The following PCNX1 variants were observed in gnomAD, a reference collection of about 807,000 sequenced individuals.
PCNX1 encodes pecanex-like protein 1.
Under a neutral mutation model 242.2 loss-of-function variants are expected in PCNX1, and 78 were observed. The observed-to-expected ratio is 0.32, with a 90% CI of 0.27 to 0.39. PCNX1 has a LOEUF of 0.39. Among genes scored for constraint, PCNX1 ranks in the 10% least tolerant of loss-of-function variants. The pLI, the probability that PCNX1 is intolerant of heterozygous loss-of-function variation, is 1.00. For synonymous variants in PCNX1, 1,024 were observed against 1,032.9 expected (o/e 0.99, Z 0.17); for missense variants, 2,581 against 2,856.5 (o/e 0.90, Z 2.20).
intron 1 of PCNX1, among the ~76,000 whole-genome samples, chr14:70,910,373 C>A (rs983705641): frequency 6.6e-6 from 1 of 151,442 alleles, no homozygotes; most frequent in South Asian, 2.1e-4. Context: ...CTCTGTGATT[C>A]TTTCAGATCA....
At chr14:71,053,983 C>G (rs2061112541) in intron 24 of PCNX1, among the ~76,000 whole-genome samples, 1 of 152,102 alleles carries the variant, frequency 6.6e-6, no homozygotes, top group Admixed American at 6.5e-5. Flanking sequence ...CTTCACTCAC[C>G]ATGTTGGCCA....
rs7146777 is a variant in PCNX1 at position 71,111,181 on chromosome 14, C to G, written c.*1246C>G. 0.16 allele frequency: 23,921 copies of G among 152,242 alleles called. 2,429 individuals are homozygous for G. The highest frequency in any genetic ancestry group is 0.28 in the African/African-American group (11,667 of 41,366). 9.4% of individuals were successfully genotyped at this position (152,242 alleles called of 1,614,324 possible). A position where few individuals can be genotyped will look rare whatever the true frequency, so the allele number is the denominator to read the frequency against. On this transcript the variant is annotated 3_prime_UTR_variant, in exon 36 of 36. Transcript: ENST00000304743. ...ACTTAATTCATATGTTGTCTCATAACTTTATTTTTTTTAAATGCATATTCA... is the reference window on the plus strand; with the variant it reads ...ACTTAATTCATATGTTGTCTCATAAGTTTATTTTTTTTAAATGCATATTCA...
chr14:71,013,686 C>T (rs529263510), intron 11 of PCNX1, among the ~76,000 whole-genome samples: 2 of 152,106 alleles, frequency 1.3e-5, no homozygotes, highest in African/African-American at 2.4e-5. Flanking sequence ...AGACAAAGTA[C>T]GTGAAACAGT....
At chr14:71,045,359 T>C in intron 20 of PCNX1, 76 bp downstream of exon 20, 1 of 1,000,014 alleles carries the variant, frequency 1.0e-6, no homozygotes, top group Non-Finnish European at 1.5e-6. Flanking sequence ...ATGACTGAGT[T>C]AAGTGAATAT....
intron 19 of PCNX1, chr14:71,044,383 T>G (rs2060799196): frequency 6.6e-6 from 1 of 152,342 alleles, no homozygotes; most frequent in African/African-American, 2.4e-5. Context: ...AACAAATGAT[T>G]GTTCTCCAGT....
intron 6 of PCNX1, 81 bp downstream of exon 6, chr14:70,978,729 T>G (rs1204655346): frequency 8.2e-7 from 1 of 1,225,788 alleles, no homozygotes; most frequent in Non-Finnish European, 1.1e-6. Context: ...TACTAAAATA[T>G]GCTTCTGTTA....
Position 71,088,339 on chromosome 14 carries a change from G to A in PCNX1, c.5347G>A (p.Val1783Met), listed in dbSNP as rs754312254. 2 of 1,604,210 alleles carry A rather than the reference G, an allele frequency of 1.2e-6. No homozygotes were observed. Among genetic ancestry groups the A allele is most frequent in the Non-Finnish European group, 1.7e-6 (2 of 1,171,946 alleles). ...TTTTGTTTTTTTAAAGCCTGTGGATGTGGACAAAGATTCATCCCTAGTGAC... is the reference window on the plus strand; with the variant it reads ...TTTTGTTTTTTTAAAGCCTGTGGATATGGACAAAGATTCATCCCTAGTGAC... ...CSSRRAKPVD[V>M]DKDSSLVTLC... The change falls in exon 29 of 36, where the codon GTG (valine) becomes ATG (methionine). Residue 1783 changes from valine (V) to methionine (M), a missense_variant. Coordinates refer to ENST00000304743, the MANE Select transcript of PCNX1 (RefSeq NM_014982.3).
chr14:70,931,112 T>G (rs1342099090), intron 1 of PCNX1, among the ~76,000 whole-genome samples: 2 of 152,190 alleles, frequency 1.3e-5, no homozygotes, highest in African/African-American at 4.8e-5. Context: ...CTCACCAGCA[T>G]TCTCTCCATC....
chr14:71,026,902 A>C lies in PCNX1; in HGVS notation c.3466+20A>C, dbSNP rs751111632. 9.8e-7 allele frequency: 1 copy of C among 1,021,028 alleles called. No individual in the cohort carries two copies. The highest frequency in any genetic ancestry group is 1.7e-5 in the Admixed American group (1 of 57,390). 63.2% of individuals were successfully genotyped at this position (1,021,028 alleles called of 1,614,324 possible). Reference sequence around the variant, plus strand: ...GTAATGGTGAGTACTTCTTTATAAAAATTATAGATTACAGTATTACCTTTA... The same window carrying C: ...GTAATGGTGAGTACTTCTTTATAAACATTATAGATTACAGTATTACCTTTA... On this transcript the variant is annotated intron_variant, in intron 15 of 35. Transcript: ENST00000304743.
At position 71,110,595 on chromosome 14, in the gene PCNX1, T is replaced by G. The variant is rs1292468933; in HGVS notation, c.*660T>G. On this transcript the variant is annotated 3_prime_UTR_variant, in exon 36 of 36. Transcript: ENST00000304743. ...TTAAATTGCCTTTGGGATTAGCCCC[T>G]TCCCTTTCCTTATAAACACAGGTAG... is the stretch of plus-strand genomic sequence containing the variant. The G allele has an allele frequency of 6.6e-6, 1 of 152,644 alleles. No homozygotes were observed. Among genetic ancestry groups the G allele is most frequent in the African/African-American group, 2.4e-5 (1 of 41,474 alleles). 9.5% of individuals were successfully genotyped at this position (152,644 alleles called of 1,614,324 possible).
At chr14:70,950,578 T>C (rs2057736429) in intron 2 of PCNX1, among the ~76,000 whole-genome samples, 1 of 152,150 alleles carries the variant, frequency 6.6e-6, no homozygotes, top group African/African-American at 2.4e-5. Flanking sequence ...TTTTACCATT[T>C]AATGACTATG....
At chr14:70,984,201 TAC>T (rs983665047) in intron 6 of PCNX1, among the ~76,000 whole-genome samples, 2 of 151,404 alleles carry the variant, frequency 1.3e-5, no homozygotes, top group Admixed American at 1.3e-4. Context: ...TTTCCAGATT[TAC>T]ACCTTTTCCC....
In PCNX1 at chr14:71,047,980, A is replaced by G. The variant is rs772633943; in HGVS notation, c.4334A>G (p.Asn1445Ser). 1.9e-6 allele frequency: 3 copies of G among 1,607,504 alleles called. No homozygotes were observed. The highest frequency in any genetic ancestry group is 2.7e-5 in the African/African-American group (2 of 74,736). The change falls in exon 22 of 36, where the codon AAC (asparagine) becomes AGC (serine). Residue 1445 changes from asparagine (N) to serine (S), a missense_variant. By Grantham distance (46) the Asn-to-Ser change is conservative. This residue lies in a region of PCNX1 where 432 missense variants were observed against 443.1 expected (regional missense o/e 0.97). Coordinates refer to ENST00000304743, the MANE Select transcript of PCNX1 (RefSeq NM_014982.3). ...CTCTTCTTTATGTCCATACTCTTCA[A>G]CAAGGTAATTTATCACTGAAAGGAA... Reference protein sequence around the residue: ...LDLFFMSILFNKLWELLYKLQ... With the variant: ...LDLFFMSILFSKLWELLYKLQ...
intron 1 of PCNX1, among the ~76,000 whole-genome samples, chr14:70,916,013 A>G (rs2056139057): frequency 6.6e-6 from 1 of 152,152 alleles, no homozygotes; most frequent in African/African-American, 2.4e-5. Flanking sequence ...GTTGAGGTTC[A>G]TCTTTTATGA....
At chr14:71,037,897 C>G (rs1435813614) in intron 19 of PCNX1, among the ~76,000 whole-genome samples, 1 of 143,600 alleles carries the variant, frequency 7.0e-6, no homozygotes, top group Non-Finnish European at 1.5e-5. Context: ...TGGAACAGAA[C>G]AGAGCCCTCA....
chr14:70,962,539 T>A (rs1238859367), intron 3 of PCNX1, among the ~76,000 whole-genome samples: 3 of 152,256 alleles, frequency 2.0e-5, no homozygotes, highest in Non-Finnish European at 4.4e-5. Flanking sequence ...TACCACAGAC[T>A]CATCTTTGGG....
intron 33 of PCNX1, 30 bp downstream of exon 33, chr14:71,105,470 G>A: frequency 6.5e-7 from 1 of 1,539,512 alleles, no homozygotes; most frequent in South Asian, 1.1e-5. Context: ...TATGTCTAAT[G>A]TTAGCTTCTT....
chr14:70,926,851 G>A (rs989785879), intron 1 of PCNX1, among the ~76,000 whole-genome samples: 8 of 152,146 alleles, frequency 5.3e-5, no homozygotes, highest in African/African-American at 1.4e-4. Flanking sequence ...CACAGGGAGC[G>A]TGATGAGGAA....
intron 28 of PCNX1, among the ~76,000 whole-genome samples, chr14:71,087,645 C>T (rs575792205): frequency 1.3e-5 from 2 of 152,246 alleles, no homozygotes; most frequent in African/African-American, 2.4e-5. Context: ...GATGTTGATA[C>T]TGCTGGTCTT....
Sources: allele counts gnomAD v4.1 joint callset (sites outside exome capture counted in the v4.1 genomes callset), GRCh38; gene constraint gnomAD v4.1.1; regional missense constraint gnomAD v4.1.1; transcripts MANE v1.5; gene names NCBI Gene and HGNC (gene_info 2026-07-23, HGNC 2026-07-21).